Variants in ECHDC1 observed in about 807,000 individuals in gnomAD.
ECHDC1 encodes the protein ethylmalonyl-CoA decarboxylase 1, also known as ethylmalonyl-CoA decarboxylase.
In ECHDC1, 29 loss-of-function variants were observed where a neutral mutation model predicts 29.7. That is an observed-to-expected ratio of 0.98 (90% CI 0.73 to 1.33). ECHDC1 has a LOEUF of 1.33. ECHDC1 is among the 40% of genes most tolerant of loss of function. The probability of loss-of-function intolerance (pLI) is 0.00; values close to 1 mark genes in which losing one functional copy is unlikely to be tolerated. For synonymous variants in ECHDC1, 126 were observed against 123.1 expected (o/e 1.02, Z -0.15); for missense variants, 328 against 350.0 (o/e 0.94, Z 0.50).
chr6:127,341,098 T>C (rs926525726), intron 1 of ECHDC1, among the ~76,000 whole-genome samples: 2 of 152,200 alleles, frequency 1.3e-5, no homozygotes, highest in African/African-American at 4.8e-5. Context: ...AATCTTGTAA[T>C]ACTTCATGTA....
At chr6:127,316,358 G>C (rs1433646331) in intron 4 of ECHDC1, 92 bp downstream of exon 4, 3 of 1,038,774 alleles carry the variant, frequency 2.9e-6, no homozygotes, top group Non-Finnish European at 4.3e-6. Context: ...TTGAAAATTA[G>C]CTATTATTTC....
intron 5 of ECHDC1, among the ~76,000 whole-genome samples, chr6:127,307,412 C>T (rs1434327641): frequency 9.2e-5 from 14 of 151,962 alleles, no homozygotes; most frequent in African/African-American, 3.1e-4. Context: ...GGGCAGATCA[C>T]GAGGTCAGGA....
At chr6:127,302,402 T>C (rs1781119953) in intron 5 of ECHDC1, among the ~76,000 whole-genome samples, 3 of 152,062 alleles carry the variant, frequency 2.0e-5, no homozygotes, top group Admixed American at 2.0e-4. Flanking sequence ...TAAGATTCTT[T>C]TTTTTTTTCT....
In ECHDC1 at chr6:127,330,879, G is replaced by A; in HGVS notation, c.150C>T (p.Asp50=). The A allele has an allele frequency of 6.2e-7, 1 of 1,614,056 alleles. No individual in the cohort carries two copies. The highest frequency in any genetic ancestry group is 8.5e-7 in the Non-Finnish European group (1 of 1,179,998). Residue 50 remains aspartate, a synonymous_variant, in exon 2 of 6, where the codon GAC becomes GAT. Coordinates refer to ENST00000454859, the MANE Select transcript of ECHDC1 (RefSeq NM_001002030.2). ...TLQQFPGGSI[D]LQKEDNGIGI... Reference sequence around the variant, plus strand: ...CAATGCCATTGTCTTCCTTCTGAAGGTCAATGGATCCACCAGGAAACTGCT... The same window carrying A: ...CAATGCCATTGTCTTCCTTCTGAAGATCAATGGATCCACCAGGAAACTGCT...
chr6:127,317,490 G>T (rs1354282213), intron 3 of ECHDC1, among the ~76,000 whole-genome samples: 1 of 152,002 alleles, frequency 6.6e-6, no homozygotes, highest in African/African-American at 2.4e-5. Context: ...ATAACAACAT[G>T]AAATTGAGCA....
At chr6:127,304,536 C>T (rs975913008) in intron 5 of ECHDC1, among the ~76,000 whole-genome samples, 3 of 152,064 alleles carry the variant, frequency 2.0e-5, no homozygotes, top group African/African-American at 7.2e-5. Flanking sequence ...AAAACATGTA[C>T]CCACCAAATG....
At chr6:127,335,624 T>A (rs1258465531) in intron 1 of ECHDC1, among the ~76,000 whole-genome samples, 1 of 151,962 alleles carries the variant, frequency 6.6e-6, no homozygotes, top group Non-Finnish European at 1.5e-5. Context: ...CCTCCCTCCC[T>A]CCCACCAAAA....
chr6:127,321,853 A>C (rs928886033), intron 3 of ECHDC1, among the ~76,000 whole-genome samples: 8 of 151,942 alleles, frequency 5.3e-5, no homozygotes, highest in Middle Eastern at 3.4e-3. Context: ...AAATACAAAA[A>C]CTAGCCAGGT....
chr6:127,334,977 C>T (rs1395427845), intron 1 of ECHDC1, among the ~76,000 whole-genome samples: 1 of 151,896 alleles, frequency 6.6e-6, no homozygotes, highest in Non-Finnish European at 1.5e-5. Flanking sequence ...GTACTTAATA[C>T]ATAAAAGGTA....
chr6:127,308,612 G>A (rs774766532), intron 5 of ECHDC1, among the ~76,000 whole-genome samples: 11 of 152,058 alleles, frequency 7.2e-5, no homozygotes, highest in Non-Finnish European at 1.3e-4. Flanking sequence ...GGATGCCTAC[G>A]TTCACAACTG....
rs376802074 is a variant in ECHDC1, at chr6:127,289,856, C to T, written c.*13G>A. The stretch of plus-strand genomic sequence containing the variant: ...TGGAGCTTTACTTGGAGTACATCCA[C>T]ACGAAAAACCAATTATTTATTAAAT... On this transcript the variant is annotated 3_prime_UTR_variant, in exon 6 of 6. Transcript: ENST00000454859. 1 of 1,597,016 alleles carries T rather than the reference C, an allele frequency of 6.3e-7. No individual in the cohort carries two copies. Among genetic ancestry groups the T allele is most frequent in the East Asian group, 2.2e-5 (1 of 44,762 alleles).
chr6:127,290,824 C>G (rs1208672527), intron 5 of ECHDC1, among the ~76,000 whole-genome samples: 4 of 151,952 alleles, frequency 2.6e-5, no homozygotes, highest in African/African-American at 4.8e-5. Flanking sequence ...GAGAGAAAGG[C>G]ATTAAACCAT....
At chr6:127,300,066 C>T (rs1410379440) in intron 5 of ECHDC1, among the ~76,000 whole-genome samples, 1 of 152,050 alleles carries the variant, frequency 6.6e-6, no homozygotes, top group Non-Finnish European at 1.5e-5. Context: ...ATGATGTCTG[C>T]ACAACAACAA....
chr6:127,307,654 A>AAAAAAAAAAAAAAAAAAAAAAAAAC (rs1781547593), intron 5 of ECHDC1, among the ~76,000 whole-genome samples: 1 of 149,302 alleles, frequency 6.7e-6, no homozygotes, highest in Non-Finnish European at 1.5e-5. Flanking sequence ...CTCAGAAAAA[A>AAAAAAAAAAAAAAAAAAAAAAAAAC]AAAAAAAAGA....
At chr6:127,321,277 A>C (rs1462441941) in intron 3 of ECHDC1, among the ~76,000 whole-genome samples, 2 of 152,210 alleles carry the variant, frequency 1.3e-5, no homozygotes, top group Non-Finnish European at 2.9e-5. Flanking sequence ...GAAGAGCCTC[A>C]CTAACAGACA....
chr6:127,313,535 G>C, intron 5 of ECHDC1: 2 of 453,392 alleles, frequency 4.4e-6, no homozygotes. Context: ...ATGATGTTTT[G>C]AAATATGTAG....
At chr6:127,307,890 C>G (rs1162602814) in intron 5 of ECHDC1, among the ~76,000 whole-genome samples, 1 of 151,760 alleles carries the variant, frequency 6.6e-6, no homozygotes, top group Non-Finnish European at 1.5e-5. Context: ...ATTGGGAAAT[C>G]TAGAAGAAAT....
chr6:127,325,515 AC>A (rs1783247535), intron 3 of ECHDC1, among the ~76,000 whole-genome samples: 1 of 152,114 alleles, frequency 6.6e-6, no homozygotes, highest in Non-Finnish European at 1.5e-5. Flanking sequence ...ATAAGTATAC[AC>A]CCATTAAACC....
chr6:127,327,256 T>C, intron 2 of ECHDC1, 112 bp from the exon 3 acceptor site: 1 of 1,214,186 alleles, frequency 8.2e-7, no homozygotes, highest in Non-Finnish European at 1.1e-6. Flanking sequence ...ATTTTATAAA[T>C]ATTTACTGAG....
Sources: allele counts gnomAD v4.1 joint callset (sites outside exome capture counted in the v4.1 genomes callset), GRCh38; gene constraint gnomAD v4.1.1; transcripts MANE v1.5; gene names NCBI Gene and HGNC (gene_info 2026-07-23, HGNC 2026-07-21).